The following PLXNA2 variants were observed in gnomAD, a reference collection of about 807,000 sequenced individuals.
The protein encoded by PLXNA2 is plexin-A2.
PLXNA2 carries 91 observed loss-of-function variants against 193.5 expected under a neutral mutation model. The observed-to-expected ratio is 0.47, with a 90% confidence interval of 0.40 to 0.56. PLXNA2 has a LOEUF of 0.56. PLXNA2 is among the 20% of genes least tolerant of loss of function. The pLI is 0.00. For missense variants in PLXNA2, 1,995 were observed against 2,503.2 expected (o/e 0.80, Z 4.33); for synonymous variants, 997 against 1,027.3 (o/e 0.97, Z 0.56).
chr1:208,204,101 G>T (rs1670640819), intron 3 of PLXNA2, among the ~76,000 whole-genome samples: 1 of 152,204 alleles, frequency 6.6e-6, no homozygotes, highest in South Asian at 2.1e-4. Context: ...AAGGCAGAAA[G>T]AATTTTCCTT....
rs747848680 is a variant in PLXNA2, at chr1:208,116,148, G to A, written c.1507-12901C>T. Among the ~76,000 whole-genome samples, 4 of 152,140 alleles carry A rather than the reference G, an allele frequency of 2.6e-5. No homozygotes were observed. In the South Asian group the frequency reaches 6.2e-4, roughly 24 times the overall value. On this transcript the variant is annotated intron_variant, in intron 4 of 31. Coordinates refer to ENST00000367033, the MANE Select transcript of PLXNA2 (RefSeq NM_025179.4). ...TAATCCAAACATCCTCCCCTCTCCC[G>A]CTCATGTGCAAATCCCTGGGCCCTC... is the stretch of plus-strand genomic sequence containing the variant.
In PLXNA2 at chr1:208,052,246, T is replaced by C. The variant is rs763153336; in HGVS notation, c.2993+81A>G. ...ACATGGAGGTGATGGGGCAGGCCTA[T>C]GAATGAACATGCACAGTAACATGTG... On this transcript the variant is annotated intron_variant, in intron 15 of 31. Transcript: ENST00000367033. 1.2e-4 allele frequency: 168 copies of C among 1,417,768 alleles called. 1 individual carries two copies. Among genetic ancestry groups the C allele is most frequent in the Admixed American group, 7.6e-4 (43 of 56,666 alleles). 87.8% of individuals were successfully genotyped at this position (1,417,768 alleles called of 1,614,324 possible).
At chr1:208,142,219 C>T (rs1571961757) in intron 4 of PLXNA2, 110 bp downstream of exon 4, 2 of 1,246,762 alleles carry the variant, frequency 1.6e-6, no homozygotes, top group East Asian at 5.0e-5. Flanking sequence ...GACCCCTGTG[C>T]TGCAAGCCCA....
Position 208,043,140 on chromosome 1 carries a change from G to A in PLXNA2, c.3938C>T (p.Pro1313Leu), listed in dbSNP as rs774938143. Residue 1313 changes from proline (P) to leucine (L), a missense_variant, in exon 21 of 32, where the codon CCT (proline) becomes CTT (leucine). Physicochemically the swap from Pro to Leu is moderately conservative, Grantham distance 98. Around this residue, in one of 3 missense-constraint regions of PLXNA2, gnomAD observed 1,291 missense variants for 1,673.6 expected, o/e 0.77. Coordinates refer to ENST00000367033, the MANE Select transcript of PLXNA2 (RefSeq NM_025179.4). ...LTSDLDRSGI[P>L]YLDYRTYAMR... ...AGCGTAGGTACGATAGTCCAGGTAAGGGATTCCTGAGCGGTCCAGGTCACT... is the reference window on the plus strand; with the variant it reads ...AGCGTAGGTACGATAGTCCAGGTAAAGGATTCCTGAGCGGTCCAGGTCACT... 1.1e-5 allele frequency: 17 copies of A among 1,614,196 alleles called. No individual in the cohort carries two copies. The highest frequency in any genetic ancestry group is 1.4e-5 in the Non-Finnish European group (17 of 1,180,014).
chr1:208,177,259 G>T (rs139296007), intron 3 of PLXNA2, among the ~76,000 whole-genome samples: 1 of 152,032 alleles, frequency 6.6e-6, no homozygotes, highest in African/African-American at 2.4e-5. Context: ...GATGCATTCA[G>T]AGTCCAGCAT....
At chr1:208,220,111 G>C (rs560104415) in intron 1 of PLXNA2, among the ~76,000 whole-genome samples, 4 of 152,282 alleles carry the variant, frequency 2.6e-5, no homozygotes, top group African/African-American at 7.2e-5. Flanking sequence ...TTGAGGAGCC[G>C]CGAGGGGAGG....
At chr1:208,223,236 T>G (rs1200913491) in intron 1 of PLXNA2, among the ~76,000 whole-genome samples, 4 of 151,672 alleles carry the variant, frequency 2.6e-5, no homozygotes, top group Admixed American at 6.6e-5. Context: ...CCACTGTTTT[T>G]TTTTTTTTTT....
intron 13 of PLXNA2, among the ~76,000 whole-genome samples, chr1:208,058,506 C>T (rs1665514960): frequency 6.6e-6 from 1 of 152,208 alleles, no homozygotes; most frequent in African/African-American, 2.4e-5. Context: ...AACGATTGTG[C>T]CTGCTGCTCA....
chr1:208,068,114 T>C (rs1665856346), intron 12 of PLXNA2, among the ~76,000 whole-genome samples: 1 of 152,232 alleles, frequency 6.6e-6, no homozygotes, highest in Non-Finnish European at 1.5e-5. Context: ...AATAAGACGA[T>C]AACTATCTTG....
chr1:208,225,551 G>A (rs970498257), intron 1 of PLXNA2, among the ~76,000 whole-genome samples: 2 of 152,184 alleles, frequency 1.3e-5, no homozygotes, highest in African/African-American at 2.4e-5. Context: ...GGGCTCAAGT[G>A]ATCCTCTAGC....
intron 3 of PLXNA2, among the ~76,000 whole-genome samples, chr1:208,175,889 A>G (rs1207193996): frequency 6.6e-6 from 1 of 152,154 alleles, no homozygotes; most frequent in Admixed American, 6.5e-5. Flanking sequence ...ACTCACTAGG[A>G]TGGTTATAGG....
intron 2 of PLXNA2, among the ~76,000 whole-genome samples, chr1:208,213,064 C>A (rs1037526866): frequency 1.3e-5 from 2 of 152,084 alleles, no homozygotes; most frequent in African/African-American, 4.8e-5. Flanking sequence ...TGGGCACAGG[C>A]GTAGCCCAAG....
chr1:208,145,767 C>T (rs2102489557), intron 3 of PLXNA2, among the ~76,000 whole-genome samples: 1 of 152,290 alleles, frequency 6.6e-6, no homozygotes, highest in Non-Finnish European at 1.5e-5. Context: ...TTCTTTTTCC[C>T]TGTCTGCAAC....
At chr1:208,241,416 G>A (rs1269950680) in intron 1 of PLXNA2, among the ~76,000 whole-genome samples, 1 of 152,176 alleles carries the variant, frequency 6.6e-6, no homozygotes, top group East Asian at 1.9e-4. Flanking sequence ...CATGGTTTTG[G>A]GCGATGGACA....
In PLXNA2 at chr1:208,158,589, G is replaced by A. The variant is rs554129487; in HGVS notation, c.1372-16126C>T. 5.6e-4 allele frequency among the ~76,000 whole-genome samples: 86 copies of A among 152,272 alleles called. 2 individuals carry two copies. The South Asian group carries it at 0.018, about 31-fold the overall frequency. ...CCAGTGGCCTTGCCGACATCAGTTG[G>A]ACTAATTTTTTCCTGTAATTAAAAG... On this transcript the variant is annotated intron_variant, in intron 3 of 31. Coordinates refer to ENST00000367033, the MANE Select transcript of PLXNA2 (RefSeq NM_025179.4).
intron 12 of PLXNA2, among the ~76,000 whole-genome samples, chr1:208,062,479 G>A (rs1436010590): frequency 1.3e-5 from 2 of 152,174 alleles, no homozygotes; most frequent in Non-Finnish European, 2.9e-5. Context: ...CAAGTTGGCT[G>A]CAGAGCCGGG....
chr1:208,128,780 C>A (rs1466786044), intron 4 of PLXNA2, among the ~76,000 whole-genome samples: 3 of 145,962 alleles, frequency 2.1e-5, no homozygotes, highest in African/African-American at 7.6e-5. Context: ...CGGCTCCCTG[C>A]AAGCTCCATC....
chr1:208,043,260 A>G (rs1349075819), intron 20 of PLXNA2, 57 bp from the exon 21 acceptor site: 1 of 1,570,690 alleles, frequency 6.4e-7, no homozygotes, highest in East Asian at 2.3e-5. Context: ...GGGGAGGAGA[A>G]AGAGGGAGAA....
chr1:208,059,302 T>C (rs1216820164), intron 13 of PLXNA2, among the ~76,000 whole-genome samples: 1 of 152,232 alleles, frequency 6.6e-6, no homozygotes, highest in Non-Finnish European at 1.5e-5. Flanking sequence ...ATCTCTGTCC[T>C]ATAGGCCCAG....
Sources: gnomAD v4.1 joint callset for allele counts (sites outside exome capture counted in the v4.1 genomes callset) on GRCh38, gnomAD v4.1.1 for gene constraint, gnomAD v4.1.1 regional missense constraint, MANE v1.5 for transcripts, NCBI Gene and HGNC (gene_info 2026-07-23, HGNC 2026-07-21) for gene names.